USP4: variants seen among roughly 807,000 people sequenced by gnomAD.
USP4 encodes the protein ubiquitin carboxyl-terminal hydrolase 4.
A neutral mutation model predicts 118.2 loss-of-function variants in USP4; 72 were observed. That is an observed-to-expected ratio of 0.61 (90% CI 0.50 to 0.74). The LOEUF is 0.74. Among genes scored for constraint, USP4 ranks in the 30% least tolerant of loss-of-function variants. USP4 has a pLI of 0.00. For missense variants in USP4, 1,037 were observed against 1,185.7 expected, an observed-to-expected ratio of 0.87 and a Z score of 1.84; for synonymous variants, 415 against 440.4, an observed-to-expected ratio of 0.94 and a Z score of 0.72.
intron 6 of USP4, chr3:49,317,030 TG>T (rs2047444069): frequency 1.1e-6 from 1 of 885,954 alleles, no homozygotes. Flanking sequence ...TGGACAGACT[TG>T]CTGGGGCTGA....
chr3:49,319,465 T>C (rs1197460278), intron 6 of USP4, among the ~76,000 whole-genome samples: 1 of 152,014 alleles, frequency 6.6e-6, no homozygotes, highest in African/African-American at 2.4e-5. Context: ...TGGCCCAGGA[T>C]GGTCTTGATC....
At chr3:49,317,215 G>C in intron 6 of USP4, 2 of 1,512,446 alleles carry the variant, frequency 1.3e-6, no homozygotes, top group Non-Finnish European at 1.8e-6. Flanking sequence ...CTCCGTCTCC[G>C]CGATGGTCTG....
chr3:49,333,611 C>T (rs1165016543), intron 2 of USP4, among the ~76,000 whole-genome samples: 1 of 152,136 alleles, frequency 6.6e-6, no homozygotes, highest in East Asian at 1.9e-4. Flanking sequence ...ATAGCAAAGC[C>T]TGAGGAGAGA....
At chr3:49,287,751 C>A (rs145066004) in intron 15 of USP4, among the ~76,000 whole-genome samples, 1 of 152,230 alleles carries the variant, frequency 6.6e-6, no homozygotes, top group African/African-American at 2.4e-5. Flanking sequence ...GGATTACAGG[C>A]GTCAGCCACC....
At chr3:49,313,695 G>A (rs755345576) in intron 6 of USP4, among the ~76,000 whole-genome samples, 13 of 152,216 alleles carry the variant, frequency 8.5e-5, no homozygotes, top group African/African-American at 1.9e-4. Context: ...TAACCTCTCT[G>A]TTTCAAACTC....
intron 19 of USP4, among the ~76,000 whole-genome samples, chr3:49,282,298 G>A (rs1044933889): frequency 1.7e-4 from 25 of 150,676 alleles, no homozygotes; most frequent in Admixed American, 1.1e-3. Context: ...TTTTTGAGAC[G>A]GAGTCTCGCT....
intron 6 of USP4, among the ~76,000 whole-genome samples, 185 bp downstream of exon 6, chr3:49,324,517 T>C (rs2047531563): frequency 6.6e-6 from 1 of 152,192 alleles, no homozygotes; most frequent in African/African-American, 2.4e-5. Flanking sequence ...CCTGACAGGC[T>C]TCCCTTAGAT....
At position 49,311,585 on chromosome 3, in the gene USP4, C is replaced by T; in HGVS notation, c.765G>A (p.Val255=). Residue 255 remains valine (V), a synonymous_variant, in exon 7 of 22, where the codon GTG becomes GTA. Coordinates refer to ENST00000265560, the MANE Select transcript of USP4 (RefSeq NM_003363.4). ...CACCATTTGCAATGAGAGAGGCAGA[C>T]ACTGAGGAATAGGGACTTGCTGATG... is the stretch of plus-strand genomic sequence containing the variant. ...PKSSASPYSS[V]SASLIANGDS... is the part of the protein sequence containing the mutation. 1 of 1,613,986 alleles carries T rather than the reference C, an allele frequency of 6.2e-7. No homozygotes were observed. The highest frequency in any genetic ancestry group is 2.2e-5 in the East Asian group (1 of 44,886).
chr3:49,304,300 G>A (rs767502685), intron 9 of USP4, among the ~76,000 whole-genome samples: 4 of 152,104 alleles, frequency 2.6e-5, no homozygotes, highest in African/African-American at 4.8e-5. Context: ...AGGCTAAATA[G>A]GATCTTTCAG....
At chr3:49,288,679 AAAAAG>A (rs772358750) in intron 15 of USP4, among the ~76,000 whole-genome samples, 17 of 152,012 alleles carry the variant, frequency 1.1e-4, no homozygotes, top group East Asian at 1.9e-4. Context: ...CCACCTCAAA[AAAAAG>A]AAAAGAAAAG....
intron 8 of USP4, among the ~76,000 whole-genome samples, chr3:49,309,941 A>ATTTTTT (rs2047365541): frequency 6.5e-5 from 1 of 15,402 alleles, no homozygotes; most frequent in Non-Finnish European, 1.1e-4. Flanking sequence ...CTTTTTTTTA[A>ATTTTTT]TCTTTTTTTT....
chr3:49,283,930 G>A (rs2047066165), intron 19 of USP4, 57 bp downstream of exon 19: 2 of 1,601,098 alleles, frequency 1.2e-6, no homozygotes, highest in East Asian at 2.2e-5. Flanking sequence ...GCCAATCAGT[G>A]CCAAGATTTT....
intron 1 of USP4, among the ~76,000 whole-genome samples, chr3:49,337,973 G>T (rs962378288): frequency 4.0e-5 from 6 of 150,270 alleles, no homozygotes; most frequent in Admixed American, 4.0e-4. Context: ...TTGAACCCGG[G>T]AGGCAGAGAT....
At chr3:49,331,854 C>T (rs1379225954) in intron 2 of USP4, among the ~76,000 whole-genome samples, 3 of 150,764 alleles carry the variant, frequency 2.0e-5, no homozygotes, top group Admixed American at 6.6e-5. Flanking sequence ...TGAATCTGGC[C>T]GGACAGAGTG....
rs1217397033 is a variant in USP4 at position 49,302,370 on chromosome 3, C to T, written c.1287+14G>A. 6.2e-7 allele frequency: 1 copy of T among 1,612,506 alleles called. No homozygotes were observed. The highest frequency in any genetic ancestry group is 1.3e-5 in the African/African-American group (1 of 74,796). On this transcript the variant is annotated intron_variant, in intron 10 of 21. Coordinates refer to ENST00000265560, the MANE Select transcript of USP4 (RefSeq NM_003363.4). ...CTTTGGCATATTATCATTCAGACAT[C>T]ATTAATGGCATACCGCATCTGGCCG...
At chr3:49,335,691 G>A in intron 1 of USP4, 95 bp from the exon 2 acceptor site, 1 of 1,447,110 alleles carries the variant, frequency 6.9e-7, no homozygotes, top group Non-Finnish European at 9.6e-7. Context: ...TTCCACTTGG[G>A]GCATATGCAA....
At chr3:49,311,065 C>T (rs1278742170) in intron 7 of USP4, among the ~76,000 whole-genome samples, 1 of 152,190 alleles carries the variant, frequency 6.6e-6, no homozygotes, top group Non-Finnish European at 1.5e-5. Context: ...CAGGCCACAC[C>T]CAGGCTTGAC....
intron 2 of USP4, among the ~76,000 whole-genome samples, chr3:49,334,237 A>G (rs531921451): frequency 2.0e-5 from 3 of 152,344 alleles, no homozygotes; most frequent in African/African-American, 4.8e-5. Flanking sequence ...AAAGCAAAGC[A>G]CAATAAGCCA....
chr3:49,340,050 G>T lies in USP4; in HGVS notation c.-26C>A. 6.3e-7 allele frequency: 1 copy of T among 1,594,250 alleles called. No individual in the cohort carries two copies. The highest frequency in any genetic ancestry group is 8.5e-7 in the Non-Finnish European group (1 of 1,173,816). The stretch of plus-strand genomic sequence containing the variant: ...CTCCTCCGCGGCCCCGGCCCAGCCG[G>T]CCCGGACATCCGCCCCGCGCGCGGC... On this transcript the variant is annotated 5_prime_UTR_variant, in exon 1 of 22. Transcript: ENST00000265560.
Sources: allele counts gnomAD v4.1 joint callset (sites outside exome capture counted in the v4.1 genomes callset), GRCh38; gene constraint gnomAD v4.1.1; transcripts MANE v1.5; gene names NCBI Gene and HGNC (gene_info 2026-07-23, HGNC 2026-07-21).